SAMD5: variants seen among roughly 807,000 people sequenced by gnomAD.
The protein encoded by SAMD5 is sterile alpha motif domain containing 5, also known as sterile alpha motif domain-containing protein 5.
A neutral mutation model predicts 11.3 loss-of-function variants in SAMD5; 13 were observed. That is an observed-to-expected ratio of 1.15 (90% CI 0.75 to 1.83). SAMD5 has a LOEUF of 1.83. SAMD5 is among the 40% of genes most tolerant of loss of function. The pLI is 0.00. For missense variants in SAMD5, 255 were observed against 239.1 expected (o/e 1.07, Z -0.44); for synonymous variants, 129 against 111.3 (o/e 1.16, Z -1.00).
chr6:147,770,376 C>G, the SAMD5 span, among the ~76,000 whole-genome samples: 1 of 151,958 alleles, frequency 6.6e-6, no homozygotes, highest in East Asian at 1.9e-4. Context: ...TTAAAACGGA[C>G]GATTTCTGCC....
At chr6:147,640,733 T>C (rs972876334) in intron 1 of SAMD5, among the ~76,000 whole-genome samples, 1 of 152,192 alleles carries the variant, frequency 6.6e-6, no homozygotes, top group African/African-American at 2.4e-5. Context: ...AATTGTATGA[T>C]GATGCTATTT....
At chr6:147,923,770 T>C in the SAMD5 span, among the ~76,000 whole-genome samples, 1 of 152,200 alleles carries the variant, frequency 6.6e-6, no homozygotes, top group Non-Finnish European at 1.5e-5. Context: ...AGGTTTACAC[T>C]GTATAGATGA....
intron 1 of SAMD5, among the ~76,000 whole-genome samples, chr6:147,732,554 C>T (rs909549721): frequency 2.6e-5 from 4 of 152,184 alleles, no homozygotes; most frequent in Non-Finnish European, 5.9e-5. Context: ...TTGGCCTGCT[C>T]ATACAGCTAG....
At chr6:147,643,837 A>G (rs1486780120) in intron 1 of SAMD5, among the ~76,000 whole-genome samples, 2 of 151,978 alleles carry the variant, frequency 1.3e-5, no homozygotes, top group African/African-American at 4.8e-5. Flanking sequence ...CCTAAGGTAA[A>G]GAAGAGTCTT....
At chr6:147,591,616 A>G (rs1233346168) in intron 1 of SAMD5, among the ~76,000 whole-genome samples, 1 of 152,176 alleles carries the variant, frequency 6.6e-6, no homozygotes, top group Middle Eastern at 3.2e-3. Context: ...AAGGATGGGC[A>G]TTCTAGCACA....
the SAMD5 span, among the ~76,000 whole-genome samples, chr6:147,877,881 CGAT>C: frequency 3.6e-5 from 3 of 82,326 alleles, no homozygotes; most frequent in African/African-American, 1.4e-4. Flanking sequence ...CACACACACA[CGAT>C]AGATAGATAG....
At chr6:147,560,067 G>C (rs1316051947) in intron 1 of SAMD5, among the ~76,000 whole-genome samples, 1 of 152,156 alleles carries the variant, frequency 6.6e-6, no homozygotes, top group Non-Finnish European at 1.5e-5. Flanking sequence ...TTAGTTTAGT[G>C]AAAAATTTTT....
chr6:147,806,681 C>T, the SAMD5 span, among the ~76,000 whole-genome samples: 1 of 152,170 alleles, frequency 6.6e-6, no homozygotes, highest in Non-Finnish European at 1.5e-5. Flanking sequence ...GCACCTCTTG[C>T]CTGCACTAAT....
chr6:147,899,049 C>T, the SAMD5 span, among the ~76,000 whole-genome samples: 3 of 151,216 alleles, frequency 2.0e-5, no homozygotes, highest in African/African-American at 4.9e-5. Context: ...GGCGTGGTGG[C>T]AGGCACCTGT....
chr6:147,610,928 G>C (rs1195235115), intron 1 of SAMD5, among the ~76,000 whole-genome samples: 1 of 150,060 alleles, frequency 6.7e-6, no homozygotes, highest in East Asian at 2.0e-4. Context: ...GGAGTACAGT[G>C]GTGTGATCTC....
downstream of SAMD5, among the ~76,000 whole-genome samples, chr6:147,738,290 G>C (rs1791834370): frequency 6.6e-6 from 1 of 152,144 alleles, no homozygotes; most frequent in African/African-American, 2.4e-5. Flanking sequence ...TCCTGACTTG[G>C]GCCGGAGAGT....
intron 1 of SAMD5, among the ~76,000 whole-genome samples, chr6:147,641,550 CTCTT>C (rs1332946570): frequency 1.3e-5 from 2 of 149,984 alleles, no homozygotes; most frequent in East Asian, 3.9e-4. Flanking sequence ...CAAACTAACT[CTCTT>C]TCTCTGTCTT....
At chr6:147,677,679 G>T (rs965857544) in intron 1 of SAMD5, among the ~76,000 whole-genome samples, 1 of 152,066 alleles carries the variant, frequency 6.6e-6, no homozygotes, top group African/African-American at 2.4e-5. Flanking sequence ...AGCAGGAAGG[G>T]TGCCCAGGGA....
the SAMD5 span, among the ~76,000 whole-genome samples, chr6:147,886,155 A>G: frequency 3.3e-5 from 5 of 152,178 alleles, no homozygotes; most frequent in Non-Finnish European, 7.3e-5. Flanking sequence ...TTGATACTTG[A>G]TTATAATTTA....
the SAMD5 span, among the ~76,000 whole-genome samples, chr6:147,808,406 G>T: frequency 1.3e-5 from 2 of 152,108 alleles, no homozygotes; most frequent in Non-Finnish European, 2.9e-5. Flanking sequence ...GTCTCACTAT[G>T]TTGCCCAGGC....
At chr6:147,877,779 G>A in the SAMD5 span, among the ~76,000 whole-genome samples, 3 of 151,062 alleles carry the variant, frequency 2.0e-5, no homozygotes, top group Admixed American at 2.0e-4. Flanking sequence ...CAGATTTTGG[G>A]CTTGTAAGCC....
chr6:147,605,409 C>T (rs1054916312), intron 1 of SAMD5, among the ~76,000 whole-genome samples: 1 of 152,156 alleles, frequency 6.6e-6, no homozygotes, highest in African/African-American at 2.4e-5. Flanking sequence ...ACCTCCATAC[C>T]TGGCCTTGTT....
intron 1 of SAMD5, among the ~76,000 whole-genome samples, chr6:147,603,524 G>T (rs909739298): frequency 5.3e-5 from 8 of 152,288 alleles, no homozygotes; most frequent in South Asian, 4.1e-4. Flanking sequence ...ATAGTAAGTT[G>T]AGTTGGAGGA....
intron 1 of SAMD5, among the ~76,000 whole-genome samples, chr6:147,650,414 G>A (rs1175532683): frequency 2.0e-5 from 3 of 152,180 alleles, no homozygotes; most frequent in Non-Finnish European, 2.9e-5. Flanking sequence ...AGAGCATATG[G>A]GAATTGGGGA....
Sources: allele counts gnomAD v4.1 joint callset (sites outside exome capture counted in the v4.1 genomes callset), GRCh38; gene constraint gnomAD v4.1.1; transcripts MANE v1.5; gene names NCBI Gene and HGNC (gene_info 2026-07-23, HGNC 2026-07-21).